The following PPP1R1B variants were observed in gnomAD, a reference collection of about 807,000 sequenced individuals.
PPP1R1B encodes protein phosphatase 1 regulatory inhibitor subunit 1B, also known as protein phosphatase 1 regulatory subunit 1B.
In PPP1R1B, 13 loss-of-function variants were observed where a neutral mutation model predicts 28.2. The observed-to-expected ratio is 0.46, with a 90% CI of 0.30 to 0.73. The LOEUF (loss-of-function observed/expected upper bound fraction) is 0.73, where lower values mean the gene tolerates loss of function less well. PPP1R1B is among the 30% of genes least tolerant of loss of function. The pLI is 0.07. For missense variants in PPP1R1B, 236 were observed against 256.7 expected (o/e 0.92, Z 0.55); for synonymous variants, 102 against 97.5 (o/e 1.05, Z -0.27).
At chr17:39,627,770 G>T (rs2056848320) in intron 1 of PPP1R1B, among the ~76,000 whole-genome samples, 1 of 152,068 alleles carries the variant, frequency 6.6e-6, no homozygotes. Flanking sequence ...TGGGGTGGGG[G>T]CGTCCTTTGG....
chr17:39,636,176 A>T lies in PPP1R1B; in HGVS notation c.*311A>T. On this transcript the variant is annotated 3_prime_UTR_variant, in exon 7 of 7. Transcript: ENST00000254079. ...CCGGGAACAGGGATTTGCCCTTCAC[A>T]ATTCTACTCCCCAGATCCTCTCCCC... is the stretch of plus-strand genomic sequence containing the variant. 1 of 412,684 alleles carries T rather than the reference A, an allele frequency of 2.4e-6. No individual in the cohort carries two copies. The highest frequency in any genetic ancestry group is 2.6e-5 in the South Asian group (1 of 39,152). The allele number at this position is 412,684 out of a possible 1,614,324, so 25.6% of individuals were successfully genotyped here.
chr17:39,635,114 T>C (rs543408008), intron 5 of PPP1R1B, among the ~76,000 whole-genome samples: 2 of 152,292 alleles, frequency 1.3e-5, no homozygotes, highest in Non-Finnish European at 2.9e-5. Flanking sequence ...AAGAATCCCC[T>C]GAACCTGGGA....
chr17:39,628,292 A>G (rs897272462), intron 1 of PPP1R1B, among the ~76,000 whole-genome samples: 1 of 152,006 alleles, frequency 6.6e-6, no homozygotes, highest in East Asian at 1.9e-4. Context: ...CCTGGGCCTA[A>G]GCAGCTTTGG....
Position 39,635,827 on chromosome 17 carries a change from G to T in PPP1R1B, c.577G>T (p.Glu193Ter). ...TGCTTGCCTTTCAGAGCCTGGGGAG[G>T]AACCTCAGCGCCCTTCCCCCTCTGA... ...EDPALSEPGE[E>*]PQRPSPSEPG... Residue 193 changes from glutamate to a stop codon, truncating the protein, a stop_gained, in exon 7 of 7, where the codon GAA becomes TAA. Transcript: ENST00000254079. LOFTEE classifies it high-confidence loss of function. The T allele has an allele frequency of 6.2e-7, 1 of 1,613,814 alleles. No homozygotes were observed. The highest frequency in any genetic ancestry group is 8.5e-7 in the Non-Finnish European group (1 of 1,180,014).
chr17:39,627,459 C>A lies in PPP1R1B; in HGVS notation c.67C>A (p.Arg23Ser). The change falls in exon 1 of 7, where the codon CGC (arginine) becomes AGC (serine). Residue 23 changes from arginine to serine, a missense_variant. Coordinates refer to ENST00000254079, the MANE Select transcript of PPP1R1B (RefSeq NM_032192.4). ...CGCGCCCCCTAGCCAGCTCGACCCC[C>A]GCCAGGTGGAGATGGTAAGGGGCCC... is the stretch of plus-strand genomic sequence containing the variant. ...VPAPPSQLDP[R>S]QVEMIRRRRP... The A allele has an allele frequency of 6.3e-7, 1 of 1,591,260 alleles. No individual in the cohort carries two copies.
chr17:39,634,303 C>T (rs932685957), intron 5 of PPP1R1B, among the ~76,000 whole-genome samples: 6 of 152,212 alleles, frequency 3.9e-5, no homozygotes, highest in Non-Finnish European at 7.3e-5. Flanking sequence ...TCAGGTTTTC[C>T]CTAATAATTC....
At chr17:39,630,106 G>T in intron 4 of PPP1R1B, 59 bp downstream of exon 4, 1 of 1,485,044 alleles carries the variant, frequency 6.7e-7, no homozygotes, top group South Asian at 1.1e-5. Context: ...CTGGGCAGAC[G>T]CTAGGGGAGC....
At chr17:39,630,101 C>G (rs2056865891) in intron 4 of PPP1R1B, 54 bp downstream of exon 4, 1 of 1,527,340 alleles carries the variant, frequency 6.5e-7, no homozygotes, top group African/African-American at 1.4e-5. Context: ...TGGAACTGGG[C>G]AGACGCTAGG....
intron 3 of PPP1R1B, 98 bp downstream of exon 3, chr17:39,629,660 C>T: frequency 2.4e-6 from 3 of 1,257,994 alleles, no homozygotes; most frequent in Non-Finnish European, 3.4e-6. Flanking sequence ...TGGGGTGCCA[C>T]CCAAGAGGAC....
At chr17:39,629,590 G>A in intron 3 of PPP1R1B, 28 bp downstream of exon 3, 1 of 1,613,076 alleles carries the variant, frequency 6.2e-7, no homozygotes, top group Non-Finnish European at 8.5e-7. Flanking sequence ...GCTGGAAGGA[G>A]GGATGCCTGG....
Position 39,627,436 on chromosome 17 carries a change from C to A in PPP1R1B, c.44C>A (p.Ala15Glu). The A allele has an allele frequency of 1.9e-6, 3 of 1,603,350 alleles. No individual in the cohort carries two copies. Among genetic ancestry groups the A allele is most frequent in the Admixed American group, 1.7e-5 (1 of 59,354 alleles). Residue 15 changes from alanine (A) to glutamate (E), a missense_variant, in exon 1 of 7, where the codon GCG (alanine) becomes GAG (glutamate). Coordinates refer to ENST00000254079, the MANE Select transcript of PPP1R1B (RefSeq NM_032192.4). ...DRKKIQFSVP[A>E]PPSQLDPRQV... ...AAGAAGATCCAGTTCTCGGTGCCCGCGCCCCCTAGCCAGCTCGACCCCCGC... is the reference window on the plus strand; with the variant it reads ...AAGAAGATCCAGTTCTCGGTGCCCGAGCCCCCTAGCCAGCTCGACCCCCGC...
intron 1 of PPP1R1B, among the ~76,000 whole-genome samples, chr17:39,628,315 T>A (rs1223589477): frequency 1.3e-5 from 2 of 151,728 alleles, no homozygotes; most frequent in African/African-American, 4.8e-5. Context: ...CATGAGGGTG[T>A]CATGGGGAGC....
At chr17:39,628,419 G>A (rs749805541) in intron 1 of PPP1R1B, 3 of 697,296 alleles carry the variant, frequency 4.3e-6, no homozygotes, top group Admixed American at 6.5e-5. Context: ...CTGACAGTTG[G>A]TCTGATTGCC....
In PPP1R1B at chr17:39,634,127, C is replaced by T. The variant is rs760441319; in HGVS notation, c.445+41C>T. 24 of 1,610,408 alleles carry T rather than the reference C, an allele frequency of 1.5e-5. No individual in the cohort carries two copies. The South Asian group carries it at 2.5e-4, about 17-fold the overall frequency. On this transcript the variant is annotated intron_variant, in intron 5 of 6. Transcript: ENST00000254079. ...TGTGACATGTGGATTAGCTGTGGGT[C>T]CTCCTTGAGTATACGAGGACGTCCC...
intron 1 of PPP1R1B, 76 bp downstream of exon 1, chr17:39,627,549 C>T: frequency 1.0e-6 from 1 of 979,560 alleles, no homozygotes; most frequent in Non-Finnish European, 1.5e-6. Context: ...CAAGGCGCTG[C>T]CCCGGCCGGA....
Position 39,627,055 on chromosome 17 carries a change from G to A in PPP1R1B, c.-338G>A. 3.2e-6 allele frequency: 1 copy of A among 314,544 alleles called. No homozygotes were observed. The allele number at this position is 314,544 out of a possible 1,614,324, so 19.5% of individuals were successfully genotyped here. A position where few individuals can be genotyped will look rare whatever the true frequency, so the allele number is the denominator to read the frequency against. On this transcript the variant is annotated 5_prime_UTR_variant, in exon 1 of 7. Coordinates refer to ENST00000254079, the MANE Select transcript of PPP1R1B (RefSeq NM_032192.4). ...ACACGCAGAGACACTCAGGAGGGGA[G>A]AGACACCGAGACGCAGAGACACTCA...
intron 1 of PPP1R1B, 84 bp downstream of exon 1, chr17:39,627,557 G>A (rs934946689): frequency 5.6e-6 from 5 of 886,376 alleles, no homozygotes; most frequent in Non-Finnish European, 8.2e-6. Flanking sequence ...TGCCCCGGCC[G>A]GACTGGCCTG....
chr17:39,635,576 T>C, intron 5 of PPP1R1B, 31 bp from the exon 6 acceptor site: 2 of 1,604,998 alleles, frequency 1.2e-6, no homozygotes, highest in African/African-American at 2.7e-5. Flanking sequence ...ACGCAGAGCC[T>C]GTGTTCTTAT....
Position 39,627,120 on chromosome 17 carries a change from G to C in PPP1R1B, c.-273G>C, listed in dbSNP as rs1047328999. On this transcript the variant is annotated 5_prime_UTR_variant, in exon 1 of 7. Transcript: ENST00000254079. ...CCGAGACGCAGAGACACCCAGGCCG[G>C]GGAGCGCGAGGGAGCGAGGCACAGA... 12 of 432,658 alleles carry C rather than the reference G, an allele frequency of 2.8e-5. No individual in the cohort carries two copies. Among genetic ancestry groups the C allele is most frequent in the Admixed American group, 4.6e-5 (1 of 21,856 alleles). The allele number at this position is 432,658 out of a possible 1,614,324, so 26.8% of individuals were successfully genotyped here.
Sources: allele counts gnomAD v4.1 joint callset (sites outside exome capture counted in the v4.1 genomes callset), GRCh38; gene constraint gnomAD v4.1.1; transcripts MANE v1.5; gene names NCBI Gene and HGNC (gene_info 2026-07-23, HGNC 2026-07-21).